The following NUBPL variants were observed in gnomAD, a reference collection of about 807,000 sequenced individuals.
The protein encoded by NUBPL is NUBP iron-sulfur cluster assembly factor, mitochondrial, also known as iron-sulfur cluster transfer protein NUBPL.
A neutral mutation model predicts 45.7 loss-of-function variants in NUBPL; 31 were observed. The observed-to-expected ratio is 0.68, with a 90% CI of 0.51 to 0.92. The LOEUF (loss-of-function observed/expected upper bound fraction) is 0.92. Ranked by LOEUF, NUBPL falls within the 40% of genes least tolerant of loss-of-function variation. NUBPL has a pLI of 0.00. For missense variants in NUBPL, 401 were observed against 398.7 expected (o/e 1.01, Z -0.05); for synonymous variants, 144 against 140.9 (o/e 1.02, Z -0.15).
At chr14:31,855,656 A>G (rs2040605437) in intron 10 of NUBPL, among the ~76,000 whole-genome samples, 1 of 151,510 alleles carries the variant, frequency 6.6e-6, no homozygotes, top group Non-Finnish European at 1.5e-5. Context: ...TCTTAAAATG[A>G]CTTTTAATAC....
chr14:31,799,148 A>G (rs1019734131), intron 7 of NUBPL, among the ~76,000 whole-genome samples: 2 of 152,218 alleles, frequency 1.3e-5, no homozygotes, highest in African/African-American at 4.8e-5. Flanking sequence ...GAAAATATGT[A>G]GAGGCAGACC....
chr14:31,819,722 ACAAT>A (rs2039982865), intron 7 of NUBPL, among the ~76,000 whole-genome samples: 1 of 152,252 alleles, frequency 6.6e-6, no homozygotes, highest in South Asian at 2.1e-4. Context: ...AATCTGCCAG[ACAAT>A]CAACCTTTTA....
At chr14:31,816,258 G>A (rs536420076) in intron 7 of NUBPL, among the ~76,000 whole-genome samples, 10 of 152,310 alleles carry the variant, frequency 6.6e-5, no homozygotes, top group African/African-American at 2.4e-4. Flanking sequence ...TTTAGTGTTT[G>A]GAGGGTGGAT....
At chr14:31,802,307 T>C (rs553862904) in intron 7 of NUBPL, among the ~76,000 whole-genome samples, 53 of 151,860 alleles carry the variant, frequency 3.5e-4, no homozygotes, top group African/African-American at 1.3e-3. Context: ...GACAGAGTCT[T>C]GCTCTGTCAC....
chr14:31,783,727 A>G (rs2039235133), intron 6 of NUBPL, among the ~76,000 whole-genome samples: 1 of 152,188 alleles, frequency 6.6e-6, no homozygotes, highest in Non-Finnish European at 1.5e-5. Flanking sequence ...CATGTTGGCT[A>G]GGCTGGTCTC....
chr14:31,625,480 T>TC (rs202227152), intron 4 of NUBPL, among the ~76,000 whole-genome samples: 5 of 149,970 alleles, frequency 3.3e-5, no homozygotes, highest in East Asian at 1.9e-4. Context: ...TTTCTTTCTT[T>TC]TTTTTTTTTT....
rs2040301674 is a variant in NUBPL at position 31,837,550 on chromosome 14, AAAG to A, written c.694-8914_694-8912del. Among the ~76,000 whole-genome samples, 3 of 152,292 alleles carry A rather than the reference AAAG, an allele frequency of 2.0e-5. No homozygotes were observed. In the South Asian group the frequency reaches 6.2e-4, roughly 32 times the overall value. ...AGTAGCCATATTTTAAATAGAAAGA[AAAG>A]AAGAAGTTAATTTTAATAATATATG... On this transcript the variant is annotated intron_variant, in intron 8 of 10. Transcript: ENST00000281081.
intron 8 of NUBPL, among the ~76,000 whole-genome samples, chr14:31,841,955 G>A (rs577770858): frequency 2.8e-3 from 139 of 49,654 alleles, no homozygotes; most frequent in Non-Finnish European, 4.9e-3. Context: ...TTTTGAGACG[G>A]GGTCTTCCTC....
chr14:31,596,361 A>C (rs182966686), intron 3 of NUBPL, among the ~76,000 whole-genome samples: 1 of 152,216 alleles, frequency 6.6e-6, no homozygotes, highest in Non-Finnish European at 1.5e-5. Flanking sequence ...TGACGCTGAG[A>C]TGACTGGCCT....
intron 6 of NUBPL, among the ~76,000 whole-genome samples, chr14:31,702,256 G>A (rs2037357172): frequency 6.6e-6 from 1 of 152,212 alleles, no homozygotes; most frequent in African/African-American, 2.4e-5. Flanking sequence ...TAATACGGGT[G>A]TAGCATTGCC....
chr14:31,672,273 ATGTGTG>A (rs3035682), intron 4 of NUBPL, among the ~76,000 whole-genome samples: 2,827 of 148,024 alleles, frequency 0.019, 26 homozygotes, highest in Middle Eastern at 0.042. Flanking sequence ...CTGATTAGAT[ATGTGTG>A]TGTGTGTGTG....
chr14:31,701,538 CT>C (rs1373590464), intron 6 of NUBPL, among the ~76,000 whole-genome samples: 1 of 152,242 alleles, frequency 6.6e-6, no homozygotes, highest in East Asian at 1.9e-4. Flanking sequence ...CTGCTGTTCA[CT>C]CTTTGGGTCC....
chr14:31,755,135 T>G (rs1342677254), intron 6 of NUBPL, among the ~76,000 whole-genome samples: 1 of 152,062 alleles, frequency 6.6e-6, no homozygotes, highest in Non-Finnish European at 1.5e-5. Context: ...TCTTTGCTAT[T>G]GTGAATAGTG....
chr14:31,640,976 A>G (rs1028829548), intron 4 of NUBPL, among the ~76,000 whole-genome samples: 10 of 151,852 alleles, frequency 6.6e-5, no homozygotes, highest in Non-Finnish European at 1.3e-4. Context: ...TTTTTGAGAC[A>G]GAGTCCCACT....
intron 6 of NUBPL, among the ~76,000 whole-genome samples, chr14:31,767,823 G>A (rs1041103382): frequency 2.6e-5 from 4 of 152,168 alleles, no homozygotes; most frequent in African/African-American, 4.8e-5. Context: ...GCTGTAGTGA[G>A]CCATGATGGT....
chr14:31,815,951 G>A (rs536863625), intron 7 of NUBPL, among the ~76,000 whole-genome samples: 1 of 152,168 alleles, frequency 6.6e-6, no homozygotes, highest in Non-Finnish European at 1.5e-5. Context: ...ATTTTATTGA[G>A]GATTTTTGCA....
chr14:31,641,427 A>G (rs533771162), intron 4 of NUBPL, among the ~76,000 whole-genome samples: 1 of 152,024 alleles, frequency 6.6e-6, no homozygotes, highest in Non-Finnish European at 1.5e-5. Flanking sequence ...TGAACATGTG[A>G]TATTTGTCTT....
At chr14:31,835,115 T>C (rs1595694196) in intron 8 of NUBPL, among the ~76,000 whole-genome samples, 3 of 152,248 alleles carry the variant, frequency 2.0e-5, no homozygotes, top group Middle Eastern at 6.8e-3. Flanking sequence ...ATGTGGGCGA[T>C]AAGGGGAAGG....
rs76475906 is a variant in NUBPL, at chr14:31,731,155, C to T, written c.514-56625C>T. Among the ~76,000 whole-genome samples the T allele has an allele frequency of 2.8e-3, 421 of 152,212 alleles. 10 individuals are homozygous for T. In the East Asian group the frequency reaches 0.044, roughly 16 times the overall value. ...GTAAGATAATAGTAAAACTGAAAAA[C>T]ACACTATTTAAAACTTAATCATTAG... On this transcript the variant is annotated intron_variant, in intron 6 of 10. Coordinates refer to ENST00000281081, the MANE Select transcript of NUBPL (RefSeq NM_025152.3).
Sources: allele counts gnomAD v4.1 joint callset (sites outside exome capture counted in the v4.1 genomes callset), GRCh38; gene constraint gnomAD v4.1.1; transcripts MANE v1.5; gene names NCBI Gene and HGNC (gene_info 2026-07-23, HGNC 2026-07-21).